Variants in NEK11 observed in about 807,000 individuals in gnomAD.
NEK11 encodes serine/threonine-protein kinase Nek11.
A neutral mutation model predicts 80.7 loss-of-function variants in NEK11; 72 were observed. The ratio of observed to expected loss-of-function variants is 0.89; its 90% CI spans 0.74 to 1.08. The LOEUF is 1.08. NEK11 is among the 50% of genes least tolerant of loss of function. The pLI is 0.00. For missense variants in NEK11, 764 were observed against 763.6 expected, an observed-to-expected ratio of 1.00 and a Z score of -0.01; for synonymous variants, 251 against 260.7, an observed-to-expected ratio of 0.96 and a Z score of 0.36.
chr3:131,075,992 C>CCGTGT (rs2074281462), intron 3 of NEK11, among the ~76,000 whole-genome samples: 1 of 152,150 alleles, frequency 6.6e-6, no homozygotes, highest in Non-Finnish European at 1.5e-5. Flanking sequence ...CATATATTTG[C>CCGTGT]AAAATGGAGA....
chr3:131,311,246 C>T (rs1042540998), intron 17 of NEK11, among the ~76,000 whole-genome samples: 4 of 152,100 alleles, frequency 2.6e-5, no homozygotes, highest in Non-Finnish European at 2.9e-5. Flanking sequence ...TTTATCATTT[C>T]TATGTGTTGG....
At chr3:131,336,009 G>A (rs1285250236) in intron 17 of NEK11, among the ~76,000 whole-genome samples, 2 of 152,184 alleles carry the variant, frequency 1.3e-5, no homozygotes, top group Admixed American at 1.3e-4. Context: ...CTCATGGGTA[G>A]GAAGAATCAA....
In NEK11 at chr3:131,155,382, A is replaced by G. The variant is rs116176351; in HGVS notation, c.962+261A>G. Among the ~76,000 whole-genome samples the G allele has an allele frequency of 3.5e-3, 526 of 152,318 alleles. 1 individual carries two copies. Among genetic ancestry groups the G allele is most frequent in the African/African-American group, 0.012 (500 of 41,568 alleles). On this transcript the variant is annotated intron_variant, in intron 10 of 17. Coordinates refer to ENST00000383366, the MANE Select transcript of NEK11 (RefSeq NM_024800.5). ...AGCTCTGCAGTTGCCTTGCAAGGAT[A>G]TAGAGAAGTTAATATCTCAAATATT...
At chr3:131,219,861 G>C (rs2094961074) in intron 14 of NEK11, among the ~76,000 whole-genome samples, 1 of 152,184 alleles carries the variant, frequency 6.6e-6, no homozygotes, top group East Asian at 1.9e-4. Context: ...TCTGGGAAGA[G>C]AATTTGTGTG....
At chr3:131,097,175 A>C (rs1475727878) in intron 4 of NEK11, among the ~76,000 whole-genome samples, 1 of 151,944 alleles carries the variant, frequency 6.6e-6, no homozygotes, top group Non-Finnish European at 1.5e-5. Flanking sequence ...TGCTATTGTG[A>C]ATAGGGCTGC....
At chr3:131,112,420 G>A (rs2080284628) in intron 5 of NEK11, among the ~76,000 whole-genome samples, 1 of 152,080 alleles carries the variant, frequency 6.6e-6, no homozygotes, top group South Asian at 2.1e-4. Context: ...TCTTGCAAAG[G>A]GGTTTTGCCT....
chr3:131,340,914 G>A lies in NEK11; in HGVS notation c.1719-8643G>A, dbSNP rs553123561. 3.7e-3 allele frequency among the ~76,000 whole-genome samples: 566 copies of A among 152,240 alleles called. 3 individuals carry two copies. The Middle Eastern group carries it at 0.044, about 12-fold the overall frequency. On this transcript the variant is annotated intron_variant, in intron 17 of 17. Coordinates refer to ENST00000383366, the MANE Select transcript of NEK11 (RefSeq NM_024800.5). The stretch of plus-strand genomic sequence containing the variant: ...AAATGATAAAATTTAGAAAGGAAAT[G>A]CACCATAGAAAGAAATAGAAAACAA...
chr3:131,346,419 T>C (rs774333049), intron 17 of NEK11, among the ~76,000 whole-genome samples: 2 of 152,226 alleles, frequency 1.3e-5, no homozygotes, highest in Non-Finnish European at 2.9e-5. Context: ...CACGGTAAGA[T>C]TGCTGGGCAG....
At chr3:131,174,688 T>C (rs1657105518) in intron 14 of NEK11, 2 of 1,437,620 alleles carry the variant, frequency 1.4e-6, no homozygotes, top group Non-Finnish European at 9.5e-7. Context: ...TTATATGTAA[T>C]GCTAATGATA....
At chr3:131,192,705 T>A (rs2093846547) in intron 14 of NEK11, among the ~76,000 whole-genome samples, 1 of 152,214 alleles carries the variant, frequency 6.6e-6, no homozygotes, top group African/African-American at 2.4e-5. Flanking sequence ...TATTGCATAA[T>A]TCTGCTTTAA....
intron 17 of NEK11, among the ~76,000 whole-genome samples, chr3:131,315,225 A>G (rs1333178062): frequency 2.0e-5 from 3 of 152,108 alleles, no homozygotes; most frequent in Non-Finnish European, 4.4e-5. Flanking sequence ...TAGACTATTC[A>G]TCCTACCTGC....
At chr3:131,179,134 T>C (rs1259387693) in intron 14 of NEK11, among the ~76,000 whole-genome samples, 3 of 152,192 alleles carry the variant, frequency 2.0e-5, no homozygotes, top group African/African-American at 7.2e-5. Context: ...CCTTCCACCA[T>C]GTGAGGACAC....
chr3:131,320,713 C>A (rs533982579), intron 17 of NEK11, among the ~76,000 whole-genome samples: 52 of 152,136 alleles, frequency 3.4e-4, no homozygotes, highest in Admixed American at 9.8e-4. Context: ...TGTCAGAATT[C>A]TATGTCAATG....
At chr3:131,121,608 C>G (rs1207211100) in intron 5 of NEK11, among the ~76,000 whole-genome samples, 1 of 152,168 alleles carries the variant, frequency 6.6e-6, no homozygotes, top group Non-Finnish European at 1.5e-5. Flanking sequence ...GGCAGGCAGG[C>G]CTCCTTGAAC....
In NEK11 at chr3:131,161,918, T is replaced by A. The variant is rs145257736; in HGVS notation, c.963-490T>A. On this transcript the variant is annotated intron_variant, in intron 10 of 17. Coordinates refer to ENST00000383366, the MANE Select transcript of NEK11 (RefSeq NM_024800.5). Reference sequence around the variant, plus strand: ...CTTTTTATGTGCTAGGCACTGTGCATATGTTATCTCATATGATACTTACTG... The same window carrying A: ...CTTTTTATGTGCTAGGCACTGTGCAAATGTTATCTCATATGATACTTACTG... 4.8e-3 allele frequency among the ~76,000 whole-genome samples: 726 copies of A among 152,354 alleles called. 11 individuals carry two copies. Among genetic ancestry groups the A allele is most frequent in the African/African-American group, 0.017 (700 of 41,574 alleles).
At chr3:131,301,183 C>T (rs1193588352) in intron 17 of NEK11, among the ~76,000 whole-genome samples, 1 of 152,064 alleles carries the variant, frequency 6.6e-6, no homozygotes, top group African/African-American at 2.4e-5. Flanking sequence ...TCAGCTTGGA[C>T]ATTGATGGTT....
chr3:131,181,475 A>G (rs749824596), intron 14 of NEK11, among the ~76,000 whole-genome samples: 3 of 152,126 alleles, frequency 2.0e-5, no homozygotes, highest in South Asian at 2.1e-4. Context: ...GGCTGGGCGC[A>G]ATGGCTCACG....
chr3:131,232,854 G>A (rs1050881975), intron 15 of NEK11, among the ~76,000 whole-genome samples: 6 of 152,020 alleles, frequency 3.9e-5, no homozygotes, highest in East Asian at 1.9e-4. Flanking sequence ...TTCTATGCTC[G>A]GTACTTTGCA....
intron 17 of NEK11, among the ~76,000 whole-genome samples, chr3:131,274,875 G>C (rs577266740): frequency 6.6e-6 from 1 of 151,436 alleles, no homozygotes; most frequent in East Asian, 2.0e-4. Context: ...GGATGGTCTC[G>C]ATCTCCTGAC....
Sources: gnomAD v4.1 joint callset for allele counts (sites outside exome capture counted in the v4.1 genomes callset) on GRCh38, gnomAD v4.1.1 for gene constraint, MANE v1.5 for transcripts, NCBI Gene and HGNC (gene_info 2026-07-23, HGNC 2026-07-21) for gene names.